Variants in ANO6 observed in about 807,000 individuals in gnomAD.
The protein encoded by ANO6 is anoctamin-6.
A neutral mutation model predicts 117.5 loss-of-function variants in ANO6; 106 were observed. That is an observed-to-expected ratio of 0.90 (90% CI 0.77 to 1.06). The LOEUF is 1.06. Ranked by LOEUF, ANO6 falls within the 50% of genes least tolerant of loss-of-function variation. The pLI, the probability that ANO6 is intolerant of heterozygous loss-of-function variation, is 0.00. For missense variants in ANO6, 955 were observed against 1,121.1 expected, an observed-to-expected ratio of 0.85 and a Z score of 2.12; for synonymous variants, 367 against 385.1, an observed-to-expected ratio of 0.95 and a Z score of 0.55.
intron 2 of ANO6, among the ~76,000 whole-genome samples, chr12:45,320,004 C>G (rs933688813): frequency 6.6e-6 from 1 of 152,158 alleles, no homozygotes; most frequent in African/African-American, 2.4e-5. Flanking sequence ...TGATTCTTCT[C>G]TCTTTTATTC....
rs141221543 is a variant in ANO6, at chr12:45,314,614, G to A, written c.150+12521G>A. 2.7e-3 allele frequency among the ~76,000 whole-genome samples: 416 copies of A among 151,714 alleles called. 5 individuals carry two copies. The highest frequency in any genetic ancestry group is 0.018 in the East Asian group (91 of 5,128). On this transcript the variant is annotated intron_variant, in intron 2 of 19. Transcript: ENST00000320560. ...CAGGTTTGTATTTTTGAAGGAAATG[G>A]TATATAGCTCAACCTTGAAGACTAC...
At chr12:45,282,285 G>A (rs1287121143) in intron 1 of ANO6, among the ~76,000 whole-genome samples, 2 of 152,218 alleles carry the variant, frequency 1.3e-5, no homozygotes, top group African/African-American at 4.8e-5. Context: ...AGAAGAGATG[G>A]CTGAAATAGA....
In ANO6 at chr12:45,259,983, G is replaced by A. The variant is rs538058430; in HGVS notation, c.71-42031G>A. Among the ~76,000 whole-genome samples the A allele has an allele frequency of 7.6e-4, 115 of 152,310 alleles. 1 individual carries two copies. The highest frequency in any genetic ancestry group is 2.7e-3 in the African/African-American group (112 of 41,582). The stretch of plus-strand genomic sequence containing the variant: ...GGAATTATCCAACTCCTCGAATCCT[G>A]CCCAGGCAGATTCAGTGTCCTTCTT... On this transcript the variant is annotated intron_variant, in intron 1 of 19. Transcript: ENST00000320560.
intron 1 of ANO6, among the ~76,000 whole-genome samples, chr12:45,229,883 G>A (rs117017504): frequency 0.017 from 2,008 of 119,716 alleles, 41 homozygotes; most frequent in East Asian, 0.073. Flanking sequence ...CCCCCCACCC[G>A]TAAGATGGAA....
chr12:45,427,078 C>A (rs778724759), intron 19 of ANO6, among the ~76,000 whole-genome samples: 1 of 152,080 alleles, frequency 6.6e-6, no homozygotes, highest in Non-Finnish European at 1.5e-5. Flanking sequence ...TATGGCAACT[C>A]CATCTCAACA....
intron 1 of ANO6, chr12:45,256,646 G>C (rs1238035004): frequency 1.3e-5 from 2 of 152,090 alleles, no homozygotes; most frequent in Non-Finnish European, 2.9e-5. Flanking sequence ...TATAGCCCAA[G>C]TAATGACTGT....
At chr12:45,274,721 C>T (rs1439714636) in intron 1 of ANO6, among the ~76,000 whole-genome samples, 1 of 151,406 alleles carries the variant, frequency 6.6e-6, no homozygotes, top group Admixed American at 6.6e-5. Flanking sequence ...TCTTCTCTTC[C>T]TGCTCTGCGT....
intron 12 of ANO6, among the ~76,000 whole-genome samples, chr12:45,393,335 T>C (rs1397770864): frequency 2.0e-5 from 3 of 152,102 alleles, no homozygotes; most frequent in Admixed American, 6.5e-5. Flanking sequence ...CCAAGAAATA[T>C]GGGACTATGT....
In ANO6 at chr12:45,430,693, T is replaced by G. The variant is rs1943610672; in HGVS notation, c.*1382T>G. 1 of 985,382 alleles carries G rather than the reference T, an allele frequency of 1.0e-6. No homozygotes were observed. The highest frequency in any genetic ancestry group is 6.1e-5 in the Admixed American group (1 of 16,268). The allele number at this position is 985,382 out of a possible 1,614,324, so 61.0% of individuals were successfully genotyped here. ...AACCCTACCATTATCTGGAGATTACTTCCTGCTGCACTCCTGTCTTGCCAT... is the reference window on the plus strand; with the variant it reads ...AACCCTACCATTATCTGGAGATTACGTCCTGCTGCACTCCTGTCTTGCCAT... On this transcript the variant is annotated 3_prime_UTR_variant, in exon 20 of 20. Coordinates refer to ENST00000320560, the MANE Select transcript of ANO6 (RefSeq NM_001025356.3).
chr12:45,246,547 G>A (rs1404780947), intron 1 of ANO6, among the ~76,000 whole-genome samples: 1 of 151,898 alleles, frequency 6.6e-6, no homozygotes, highest in East Asian at 2.0e-4. Flanking sequence ...GGAAGTAGAT[G>A]TAGAGAGAAT....
At chr12:45,413,258 G>C (rs1277331167) in intron 16 of ANO6, among the ~76,000 whole-genome samples, 1 of 152,204 alleles carries the variant, frequency 6.6e-6, no homozygotes, top group Non-Finnish European at 1.5e-5. Flanking sequence ...CAAGTGATAG[G>C]TGCCTAAATA....
intron 12 of ANO6, among the ~76,000 whole-genome samples, chr12:45,393,495 C>T (rs1381850676): frequency 1.3e-5 from 2 of 152,116 alleles, no homozygotes; most frequent in African/African-American, 4.8e-5. Flanking sequence ...ATACAGAGAA[C>T]ACCACAAAGA....
At chr12:45,410,792 T>G (rs1291101818) in intron 16 of ANO6, among the ~76,000 whole-genome samples, 1 of 152,242 alleles carries the variant, frequency 6.6e-6, no homozygotes, top group Non-Finnish European at 1.5e-5. Flanking sequence ...TCACATTCTA[T>G]ATATAAAATA....
chr12:45,310,173 GT>G (rs1464809560), intron 2 of ANO6, among the ~76,000 whole-genome samples: 1 of 152,216 alleles, frequency 6.6e-6, no homozygotes, highest in East Asian at 1.9e-4. Flanking sequence ...AAGTGCAGCA[GT>G]TTAACATGTG....
chr12:45,432,044 T>C lies in ANO6; in HGVS notation c.*2733T>C, dbSNP rs1334755153. On this transcript the variant is annotated 3_prime_UTR_variant, in exon 20 of 20. Coordinates refer to ENST00000320560, the MANE Select transcript of ANO6 (RefSeq NM_001025356.3). ...CCAAAGTCTTCCCTTTTTTATTGCA[T>C]GTGTGCCTTGAATTTCATAAAACAT... is the stretch of plus-strand genomic sequence containing the variant. 4 of 985,264 alleles carry C rather than the reference T, an allele frequency of 4.1e-6. No homozygotes were observed. Among genetic ancestry groups the C allele is most frequent in the Non-Finnish European group, 4.8e-6 (4 of 829,888 alleles). The allele number at this position is 985,264 out of a possible 1,614,324, so 61.0% of individuals were successfully genotyped here. A position where few individuals can be genotyped will look rare whatever the true frequency, so the allele number is the denominator to read the frequency against.
intron 1 of ANO6, among the ~76,000 whole-genome samples, chr12:45,222,178 G>C (rs981895448): frequency 3.0e-4 from 45 of 150,890 alleles, no homozygotes; most frequent in South Asian, 6.3e-4. Flanking sequence ...ACCACGCCCG[G>C]CCCCCCCACT....
chr12:45,323,236 A>G (rs912509269), intron 2 of ANO6, among the ~76,000 whole-genome samples: 1 of 152,204 alleles, frequency 6.6e-6, no homozygotes, highest in Non-Finnish European at 1.5e-5. Context: ...ATCTGAAGAA[A>G]GACTAAAAGC....
chr12:45,434,036 G>A (rs1480277984), downstream of ANO6, among the ~76,000 whole-genome samples: 2 of 152,166 alleles, frequency 1.3e-5, no homozygotes, highest in African/African-American at 4.8e-5. Flanking sequence ...CCTTTACAAT[G>A]CTGGAATGAT....
intron 1 of ANO6, among the ~76,000 whole-genome samples, chr12:45,263,925 C>T (rs1177672378): frequency 6.6e-6 from 1 of 152,090 alleles, no homozygotes; most frequent in African/African-American, 2.4e-5. Context: ...TATTTTTTCC[C>T]CTTTAAACGT....
Sources: allele counts gnomAD v4.1 joint callset (sites outside exome capture counted in the v4.1 genomes callset), GRCh38; gene constraint gnomAD v4.1.1; transcripts MANE v1.5; gene names NCBI Gene and HGNC (gene_info 2026-07-23, HGNC 2026-07-21).